MINK1: variants seen among roughly 807,000 people sequenced by gnomAD.
The protein encoded by MINK1 is misshapen like kinase 1.
A neutral mutation model predicts 178.4 loss-of-function variants in MINK1; 46 were observed. The ratio of observed to expected loss-of-function variants is 0.26; its 90% confidence interval spans 0.20 to 0.33. The LOEUF (loss-of-function observed/expected upper bound fraction) is 0.33. MINK1 is among the 10% of genes least tolerant of loss of function. The pLI, the probability that MINK1 is intolerant of heterozygous loss-of-function variation, is 1.00. For missense variants in MINK1, 1,366 were observed against 1,814.9 expected, an observed-to-expected ratio of 0.75 and a Z score of 4.49; for synonymous variants, 797 against 709.7, an observed-to-expected ratio of 1.12 and a Z score of -1.96.
rs1969208111 is a variant in MINK1 at position 4,894,391 on chromosome 17, G to A, written c.2808+80G>A. On this transcript the variant is annotated intron_variant, in intron 23 of 31. Transcript: ENST00000355280. The surrounding 1 kb of genome is among the most constrained non-coding windows in gnomAD (Gnocchi z 4.1). Reference sequence around the variant, plus strand: ...GAGGTCCCGGTGCTGGGTAACGGCAGAGGATGGGGCGGAGCGCTGGGAGCT... The same window carrying A: ...GAGGTCCCGGTGCTGGGTAACGGCAAAGGATGGGGCGGAGCGCTGGGAGCT... The A allele has an allele frequency of 1.3e-6, 2 of 1,557,138 alleles. No individual in the cohort carries two copies. The highest frequency in any genetic ancestry group is 1.9e-5 in the Admixed American group (1 of 51,802).
chr17:4,868,251 A>G (rs1318229106), intron 1 of MINK1, among the ~76,000 whole-genome samples: 1 of 152,202 alleles, frequency 6.6e-6, no homozygotes, highest in East Asian at 1.9e-4. Flanking sequence ...TGCTGGGATT[A>G]CAGGCGTGAG....
Position 4,897,343 on chromosome 17 carries a change from G to C in MINK1, c.*56G>C, listed in dbSNP as rs1969653987. On this transcript the variant is annotated 3_prime_UTR_variant, in exon 32 of 32. Transcript: ENST00000355280. Reference sequence around the variant, plus strand: ...GGACCCAGCTCTCCCCCTGCAGCCAGGCTTCCCGGGCCGCCCCTCTTTCCC... The same window carrying C: ...GGACCCAGCTCTCCCCCTGCAGCCACGCTTCCCGGGCCGCCCCTCTTTCCC... 1 of 1,532,492 alleles carries C rather than the reference G, an allele frequency of 6.5e-7. No homozygotes were observed. Among genetic ancestry groups the C allele is most frequent in the Non-Finnish European group, 9.0e-7 (1 of 1,110,976 alleles). The allele number at this position is 1,532,492 out of a possible 1,614,324, so 94.9% of individuals were successfully genotyped here.
intron 1 of MINK1, chr17:4,868,935 AT>A: frequency 5.0e-6 from 1 of 198,408 alleles, no homozygotes; most frequent in Non-Finnish European, 1.1e-5. Context: ...TTATTTATTT[AT>A]TTTTTGAGGT....
At chr17:4,835,432 GC>G (rs1909166160) in intron 1 of MINK1, among the ~76,000 whole-genome samples, 1 of 152,136 alleles carries the variant, frequency 6.6e-6, no homozygotes, top group African/African-American at 2.4e-5. Flanking sequence ...TTCGGGACCA[GC>G]CTGGCCAACA....
chr17:4,863,062 C>G (rs1033294247), intron 1 of MINK1, among the ~76,000 whole-genome samples: 3 of 152,130 alleles, frequency 2.0e-5, no homozygotes, highest in Admixed American at 6.5e-5. Flanking sequence ...AAAAATCCTT[C>G]TCACTTCACA....
chr17:4,873,088 G>A (rs938231123), intron 1 of MINK1, among the ~76,000 whole-genome samples: 2 of 152,032 alleles, frequency 1.3e-5, no homozygotes, highest in Non-Finnish European at 2.9e-5. Context: ...TGCCGCATTC[G>A]AGGCCATCAC....
chr17:4,872,184 G>A (rs1366007450), intron 1 of MINK1, among the ~76,000 whole-genome samples: 1 of 151,974 alleles, frequency 6.6e-6, no homozygotes, highest in Non-Finnish European at 1.5e-5. Context: ...CAAAAAATTA[G>A]CCAAGTGTGG....
rs1968693657 is a variant in MINK1 at position 4,890,606 on chromosome 17, G to GCAGCAGCAGCAA, written c.1449_1460dup (p.Gln484_Gln487dup). 1.3e-6 allele frequency: 2 copies of GCAGCAGCAGCAA among 1,562,786 alleles called. No individual in the cohort carries two copies. The highest frequency in any genetic ancestry group is 8.7e-7 in the Non-Finnish European group (1 of 1,154,494). On this transcript the variant is annotated inframe_insertion, in exon 14 of 32. Coordinates refer to ENST00000355280, the MANE Select transcript of MINK1 (RefSeq NM_153827.5). ...AGGAGCATGCCTACCTCAAGTCCCT[G>GCAGCAGCAGCAA]CAGCAGCAGCAACAGCAGCAGCAGC...
At chr17:4,840,923 C>T (rs1016102211) in intron 1 of MINK1, among the ~76,000 whole-genome samples, 13 of 152,064 alleles carry the variant, frequency 8.5e-5, no homozygotes, top group African/African-American at 3.1e-4. Context: ...TTTGGTGGCA[C>T]AGCCTGTGGG....
At chr17:4,842,572 G>A (rs1324216511) in intron 1 of MINK1, among the ~76,000 whole-genome samples, 1 of 152,190 alleles carries the variant, frequency 6.6e-6, no homozygotes, top group Non-Finnish European at 1.5e-5. Context: ...CAGCCAGACT[G>A]TAAGGAAGAT....
intron 1 of MINK1, among the ~76,000 whole-genome samples, chr17:4,837,218 G>A (rs1404969959): frequency 6.6e-6 from 1 of 152,108 alleles, no homozygotes; most frequent in Admixed American, 6.6e-5. Context: ...CAAACAGTTC[G>A]GTGAAAGCTA....
At chr17:4,880,579 G>A (rs1025125761) in intron 2 of MINK1, among the ~76,000 whole-genome samples, 1 of 147,934 alleles carries the variant, frequency 6.8e-6, no homozygotes, top group Non-Finnish European at 1.5e-5. Context: ...GAGCCACAGC[G>A]CCCGGCTGAG....
At chr17:4,870,852 A>G (rs911377430) in intron 1 of MINK1, among the ~76,000 whole-genome samples, 6 of 152,168 alleles carry the variant, frequency 3.9e-5, no homozygotes, top group African/African-American at 1.4e-4. Context: ...AAATTAAAAT[A>G]AAATATTTTA....
At chr17:4,834,337 A>G (rs1475472977) in intron 1 of MINK1, among the ~76,000 whole-genome samples, 1 of 150,758 alleles carries the variant, frequency 6.6e-6, no homozygotes, top group African/African-American at 2.4e-5. Flanking sequence ...GAGGGGAGGC[A>G]TTTCTTCTCT....
intron 1 of MINK1, chr17:4,861,640 A>G: frequency 3.6e-6 from 1 of 281,266 alleles, no homozygotes; most frequent in South Asian, 2.7e-5. Flanking sequence ...AGCTGAGATT[A>G]CAGGCACGTG....
At chr17:4,859,576 T>G (rs910332261) in intron 1 of MINK1, among the ~76,000 whole-genome samples, 1 of 151,892 alleles carries the variant, frequency 6.6e-6, no homozygotes, top group Non-Finnish European at 1.5e-5. Context: ...TCACATGAGG[T>G]CAGGAGTTCG....
Position 4,894,544 on chromosome 17 carries a change from T to C in MINK1, c.2828T>C (p.Val943Ala), listed in dbSNP as rs1455865925. ...CCACAGTACCAGTCTCGTGGGCTGGTAAAGGCCCCTGGCAAGAGCTCGTTC... is the reference window on the plus strand; with the variant it reads ...CCACAGTACCAGTCTCGTGGGCTGGCAAAGGCCCCTGGCAAGAGCTCGTTC... ...GSGDYQSRGL[V>A]KAPGKSSFTM... The change falls in exon 24 of 32, where the codon GTA becomes GCA. Residue 943 changes from valine (V) to alanine (A), a missense_variant. Val to Ala is a moderately conservative substitution (Grantham distance 64). Around this residue, in one of 14 missense-constraint regions of MINK1, gnomAD observed 709 missense variants for 692.3 expected, o/e 1.02. Coordinates refer to ENST00000355280, the MANE Select transcript of MINK1 (RefSeq NM_153827.5). This position sits in a 1 kb window ranked among gnomAD's most constrained non-coding sequence, Gnocchi z 4.1. 3 of 1,605,174 alleles carry C rather than the reference T, an allele frequency of 1.9e-6. No individual in the cohort carries two copies. Among genetic ancestry groups the C allele is most frequent in the Admixed American group, 1.7e-5 (1 of 58,754 alleles).
intron 12 of MINK1, 78 bp from the exon 13 acceptor site, chr17:4,889,569 T>A: frequency 5.8e-6 from 7 of 1,209,212 alleles, no homozygotes; most frequent in Non-Finnish European, 8.3e-6. Flanking sequence ...CAAGGAGGGC[T>A]CCCCTCCCTG....
Position 4,890,849 on chromosome 17 carries a change from C to G in MINK1, c.1567-102C>G, listed in dbSNP as rs933829613. The G allele has an allele frequency of 2.6e-6, 4 of 1,519,596 alleles. No individual in the cohort carries two copies. In the African/African-American group the frequency reaches 5.5e-5, roughly 21 times the overall value. The allele number at this position is 1,519,596 out of a possible 1,614,324, so 94.1% of individuals were successfully genotyped here. ...GCACCAAGTAGGGGAAAGGAGCACA[C>G]AGCACAGAGCATAGGGCGGGAGTAG... On this transcript the variant is annotated intron_variant, in intron 14 of 31. Coordinates refer to ENST00000355280, the MANE Select transcript of MINK1 (RefSeq NM_153827.5).
Sources: gnomAD v4.1 joint callset for allele counts (sites outside exome capture counted in the v4.1 genomes callset) on GRCh38, gnomAD v4.1.1 for gene constraint, gnomAD v4.1.1 regional missense constraint, Gnocchi (gnomAD v3.1) non-coding constraint, MANE v1.5 for transcripts, NCBI Gene and HGNC (gene_info 2026-07-23, HGNC 2026-07-21) for gene names.